The following MDFIC variants were observed in gnomAD, a reference collection of about 807,000 sequenced individuals.
MDFIC encodes myoD family inhibitor domain-containing protein.
Under a neutral mutation model 23.2 loss-of-function variants are expected in MDFIC, and 17 were observed. The observed-to-expected ratio is 0.73, with a 90% CI of 0.50 to 1.10. The LOEUF (loss-of-function observed/expected upper bound fraction) is 1.10, where lower values mean the gene tolerates loss of function less well. Among genes scored for constraint, MDFIC ranks in the 50% least tolerant of loss-of-function variants. The pLI, the probability that MDFIC is intolerant of heterozygous loss-of-function variation, is 0.00. For synonymous variants in MDFIC, 120 were observed against 115.2 expected (o/e 1.04, Z -0.27); for missense variants, 356 against 316.6 (o/e 1.12, Z -0.95).
chr7:114,922,298 A>T lies in MDFIC; in HGVS notation c.-446A>T. On this transcript the variant is annotated 5_prime_UTR_variant, in exon 1 of 5. Transcript: ENST00000393486. The stretch of plus-strand genomic sequence containing the variant: ...GATCCGGATGTGATGAAAAAGAGCA[A>T]CAGAGGGAGAAGTGTTTCAGGATTG... 1.2e-6 allele frequency: 1 copy of T among 867,728 alleles called. No individual in the cohort carries two copies. The highest frequency in any genetic ancestry group is 1.5e-6 in the Non-Finnish European group (1 of 656,194). 53.8% of individuals were successfully genotyped at this position (867,728 alleles called of 1,614,324 possible).
chr7:114,935,050 A>T (rs1792397030), intron 2 of MDFIC, among the ~76,000 whole-genome samples: 1 of 152,138 alleles, frequency 6.6e-6, no homozygotes, highest in South Asian at 2.1e-4. Flanking sequence ...TTTCCACATT[A>T]TTCTGAACTG....
intron 4 of MDFIC, among the ~76,000 whole-genome samples, chr7:115,015,015 T>A (rs1054016847): frequency 6.6e-6 from 1 of 152,142 alleles, no homozygotes; most frequent in African/African-American, 2.4e-5. Context: ...TTATTCACAT[T>A]TGCTAAGGTA....
At chr7:114,932,777 A>G (rs1464133063) in intron 2 of MDFIC, among the ~76,000 whole-genome samples, 1 of 152,224 alleles carries the variant, frequency 6.6e-6, no homozygotes, top group Non-Finnish European at 1.5e-5. Context: ...AGTGAAGTTT[A>G]TAAGTTCCTG....
chr7:114,956,363 A>T (rs1459982472), intron 3 of MDFIC, among the ~76,000 whole-genome samples: 4 of 151,418 alleles, frequency 2.6e-5, no homozygotes, highest in Admixed American at 2.6e-4. Flanking sequence ...ACACACATAT[A>T]TATATATACA....
chr7:114,983,889 C>G lies in MDFIC; in HGVS notation c.493+4108C>G, dbSNP rs548775927. Among the ~76,000 whole-genome samples the G allele has an allele frequency of 4.6e-5, 7 of 152,194 alleles. No homozygotes were observed. In the South Asian group the frequency reaches 1.5e-3, roughly 32 times the overall value. ...TAATTAGAGTGCCTTCTATGTGCTACTTGCTTCTCTCACATGAACTCATTT... is the reference window on the plus strand; with the variant it reads ...TAATTAGAGTGCCTTCTATGTGCTAGTTGCTTCTCTCACATGAACTCATTT... On this transcript the variant is annotated intron_variant, in intron 4 of 4. Transcript: ENST00000393486.
intron 2 of MDFIC, among the ~76,000 whole-genome samples, chr7:114,925,649 T>G (rs1461846492): frequency 6.6e-6 from 1 of 152,194 alleles, no homozygotes; most frequent in Admixed American, 6.5e-5. Flanking sequence ...ATGGGGATTT[T>G]GGGGAACTGG....
chr7:114,949,017 G>A (rs890305353), intron 3 of MDFIC, among the ~76,000 whole-genome samples: 13 of 152,026 alleles, frequency 8.6e-5, no homozygotes, highest in South Asian at 8.3e-4. Context: ...ATTTGTTTTC[G>A]TGAAGATTGG....
chr7:114,932,096 C>A (rs1427508047), intron 2 of MDFIC, among the ~76,000 whole-genome samples: 1 of 152,078 alleles, frequency 6.6e-6, no homozygotes, highest in South Asian at 2.1e-4. Flanking sequence ...ATTTATTTCT[C>A]ATGGGGATAC....
intron 3 of MDFIC, among the ~76,000 whole-genome samples, chr7:114,979,007 AT>A (rs1367688366): frequency 6.6e-6 from 1 of 151,964 alleles, no homozygotes; most frequent in Non-Finnish European, 1.5e-5. Flanking sequence ...TCACAATGGG[AT>A]TTTTTTTAAA....
intron 4 of MDFIC, among the ~76,000 whole-genome samples, chr7:114,993,057 A>G (rs1374792613): frequency 1.3e-5 from 2 of 152,120 alleles, no homozygotes; most frequent in Admixed American, 6.5e-5. Flanking sequence ...CAGGGATTCA[A>G]CTTCTTCCTG....
rs139429497 is a variant in MDFIC, at chr7:114,997,425, T to C, written c.493+17644T>C. On this transcript the variant is annotated intron_variant, in intron 4 of 4. Transcript: ENST00000393486. ...ATGCGTGCATGTGTGTGTGTGTGTG[T>C]GCGCGCGTGTGTTTTATCTCTCTCA... is the stretch of plus-strand genomic sequence containing the variant. Among the ~76,000 whole-genome samples the C allele has an allele frequency of 5.1e-3, 777 of 151,696 alleles. 4 individuals are homozygous for C. The highest frequency in any genetic ancestry group is 0.016 in the African/African-American group (654 of 41,344).
chr7:114,969,518 C>T (rs1793166050), intron 3 of MDFIC, among the ~76,000 whole-genome samples: 1 of 152,208 alleles, frequency 6.6e-6, no homozygotes, highest in African/African-American at 2.4e-5. Context: ...AGCAAATGCC[C>T]AGTATTGTCA....
chr7:114,973,072 T>G (rs1339916763), intron 3 of MDFIC, among the ~76,000 whole-genome samples: 1 of 150,084 alleles, frequency 6.7e-6, no homozygotes, highest in Non-Finnish European at 1.5e-5. Context: ...TCATTTGGGC[T>G]AAAGGCAGTT....
At chr7:114,955,432 G>A (rs1792865055) in intron 3 of MDFIC, among the ~76,000 whole-genome samples, 1 of 152,068 alleles carries the variant, frequency 6.6e-6, no homozygotes, top group South Asian at 2.1e-4. Flanking sequence ...CCTCATCTGG[G>A]ACTGGGAGTG....
chr7:115,003,929 A>G (rs966115103), intron 4 of MDFIC, among the ~76,000 whole-genome samples: 5 of 152,200 alleles, frequency 3.3e-5, no homozygotes, highest in Non-Finnish European at 7.3e-5. Flanking sequence ...AAATGAGGTT[A>G]ATAATAGCAT....
Position 114,922,397 on chromosome 7 carries a change from G to C in MDFIC, c.-347G>C. 3 of 1,237,934 alleles carry C rather than the reference G, an allele frequency of 2.4e-6. No homozygotes were observed. The highest frequency in any genetic ancestry group is 3.0e-6 in the Non-Finnish European group (3 of 989,432). 76.7% of individuals were successfully genotyped at this position (1,237,934 alleles called of 1,614,324 possible). A position where few individuals can be genotyped will look rare whatever the true frequency, so the allele number is the denominator to read the frequency against. On this transcript the variant is annotated 5_prime_UTR_variant, in exon 1 of 5. Transcript: ENST00000393486. ...GCAGGGGAGCCGGCTGGAGTGAGCTGGCTGGAAAGAGGGGGCGGAGTGCGC... is the reference window on the plus strand; with the variant it reads ...GCAGGGGAGCCGGCTGGAGTGAGCTCGCTGGAAAGAGGGGGCGGAGTGCGC...
intron 4 of MDFIC, among the ~76,000 whole-genome samples, chr7:115,015,131 C>T (rs928082011): frequency 3.9e-5 from 6 of 152,234 alleles, no homozygotes; most frequent in African/African-American, 1.4e-4. Flanking sequence ...AATAAAAAGA[C>T]TAAAACCATG....
At position 115,018,870 on chromosome 7, in the gene MDFIC, AT is replaced by A. The variant is rs1183798148; in HGVS notation, c.*2938del. On this transcript the variant is annotated 3_prime_UTR_variant, in exon 5 of 5. Transcript: ENST00000393486. Reference sequence around the variant, plus strand: ...TATCATGTTTCATCCCTGTCTGAAGATTTCCTAGTCTTCTTATGTAAATCAC... The same window carrying A: ...TATCATGTTTCATCCCTGTCTGAAGATTCCTAGTCTTCTTATGTAAATCAC... 1.3e-5 allele frequency: 2 copies of A among 151,976 alleles called. No individual in the cohort carries two copies. The highest frequency in any genetic ancestry group is 4.8e-5 in the African/African-American group (2 of 41,430). 9.4% of individuals were successfully genotyped at this position (151,976 alleles called of 1,614,324 possible).
chr7:114,928,571 T>G (rs1792242460), intron 2 of MDFIC, among the ~76,000 whole-genome samples: 1 of 152,138 alleles, frequency 6.6e-6, no homozygotes, highest in Admixed American at 6.5e-5. Context: ...TACAGAATAT[T>G]GGGTACTTCA....
Sources: gnomAD v4.1 joint callset for allele counts (sites outside exome capture counted in the v4.1 genomes callset) on GRCh38, gnomAD v4.1.1 for gene constraint, MANE v1.5 for transcripts, NCBI Gene and HGNC (gene_info 2026-07-23, HGNC 2026-07-21) for gene names.